Variants in MFSD6 observed in about 807,000 individuals in gnomAD.
The protein encoded by MFSD6 is major facilitator superfamily domain-containing protein 6.
A neutral mutation model predicts 56.3 loss-of-function variants in MFSD6; 26 were observed. The observed-to-expected ratio is 0.46, with a 90% CI of 0.34 to 0.64. The LOEUF (loss-of-function observed/expected upper bound fraction) is 0.64. MFSD6 is among the 30% of genes least tolerant of loss of function. The probability of loss-of-function intolerance (pLI) is 0.01; values close to 1 mark genes in which losing one functional copy is unlikely to be tolerated. For synonymous variants in MFSD6, 331 were observed against 366.9 expected, an observed-to-expected ratio of 0.90 and a Z score of 1.12; for missense variants, 750 against 986.2, an observed-to-expected ratio of 0.76 and a Z score of 3.21.
rs1689728765 is a variant in MFSD6, at chr2:190,496,914, G to T, written c.1892-525G>T. Among the ~76,000 whole-genome samples, 1 of 152,168 alleles carries T rather than the reference G, an allele frequency of 6.6e-6. No homozygotes were observed. Among genetic ancestry groups the T allele is most frequent in the African/African-American group, 2.4e-5 (1 of 41,436 alleles). Reference sequence around the variant, plus strand: ...ATGGACTTTGGGGACTCAGGGGAAAGGGTGGGAAAGGGGTGAGGGATACAA... The same window carrying T: ...ATGGACTTTGGGGACTCAGGGGAAATGGTGGGAAAGGGGTGAGGGATACAA... On this transcript the variant is annotated intron_variant, in intron 6 of 7. Transcript: ENST00000392328. The surrounding 1 kb of genome is among the most constrained non-coding windows in gnomAD (Gnocchi z 4.7).
rs1049049982 is a variant in MFSD6 at position 190,463,731 on chromosome 2, G to T, written c.1533-6027G>T. The T allele has an allele frequency of 4.3e-5, 11 of 255,354 alleles. No individual in the cohort carries two copies. The highest frequency in any genetic ancestry group is 3.3e-4 in the Admixed American group (5 of 15,344). 15.8% of individuals were successfully genotyped at this position (255,354 alleles called of 1,614,324 possible). On this transcript the variant is annotated intron_variant, in intron 3 of 7. Transcript: ENST00000392328. This position sits in a 1 kb window ranked among gnomAD's most constrained non-coding sequence, Gnocchi z 4.4. ...GCTACTTGGGGGGCTGAGGTGGGAG[G>T]ATCACCTGGGCTCTGGTGGTCAAGG...
In MFSD6 at chr2:190,501,604, C is replaced by T. The variant is rs1690027879; in HGVS notation, c.*1386C>T. On this transcript the variant is annotated 3_prime_UTR_variant, in exon 8 of 8. Transcript: ENST00000392328. ...AAAAGAACAGTCGAAATGAGCAACTCACCTTACCCTCTGACCCTGATTAGA... is the reference window on the plus strand; with the variant it reads ...AAAAGAACAGTCGAAATGAGCAACTTACCTTACCCTCTGACCCTGATTAGA... The T allele has an allele frequency of 6.6e-6, 1 of 152,440 alleles. No individual in the cohort carries two copies. Among genetic ancestry groups the T allele is most frequent in the African/African-American group, 2.4e-5 (1 of 41,458 alleles). The allele number at this position is 152,440 out of a possible 1,614,324, so 9.4% of individuals were successfully genotyped here.
intron 3 of MFSD6, among the ~76,000 whole-genome samples, chr2:190,449,059 G>T (rs1686681373): frequency 6.6e-6 from 1 of 152,208 alleles, no homozygotes; most frequent in South Asian, 2.1e-4. Context: ...TATGCATATT[G>T]TCTGTCTATA....
rs1309261009 is a variant in MFSD6 at position 190,487,791 on chromosome 2, T to C, written c.1631-866T>C. On this transcript the variant is annotated intron_variant, in intron 4 of 7. Transcript: ENST00000392328. The surrounding 1 kb of genome is among the most constrained non-coding windows in gnomAD (Gnocchi z 5.5). Reference sequence around the variant, plus strand: ...AATTGGATCTCTCATACAGTTCAGGTGGGAATGTAAAATGGTACAGCTACT... The same window carrying C: ...AATTGGATCTCTCATACAGTTCAGGCGGGAATGTAAAATGGTACAGCTACT... Among the ~76,000 whole-genome samples the C allele has an allele frequency of 1.3e-5, 2 of 152,224 alleles. No individual in the cohort carries two copies. The highest frequency in any genetic ancestry group is 2.9e-5 in the Non-Finnish European group (2 of 68,036).
rs184651800 is a variant in MFSD6, at chr2:190,434,848, T to G, written c.-53-1129T>G. Among the ~76,000 whole-genome samples, 1 of 152,326 alleles carries G rather than the reference T, an allele frequency of 6.6e-6. No homozygotes were observed. The highest frequency in any genetic ancestry group is 1.9e-4 in the East Asian group (1 of 5,190). On this transcript the variant is annotated intron_variant, in intron 2 of 7. Coordinates refer to ENST00000392328, the MANE Select transcript of MFSD6 (RefSeq NM_017694.4). The surrounding 1 kb of genome is among the most constrained non-coding windows in gnomAD (Gnocchi z 4.3). ...CCTGGACCATGGACCGCTACCACTC[T>G]GTGGCCTGTTAGGAATTGGGCTGCA...
At chr2:190,468,119 G>A (rs1006428673) in intron 3 of MFSD6, among the ~76,000 whole-genome samples, 12 of 151,812 alleles carry the variant, frequency 7.9e-5, no homozygotes, top group African/African-American at 2.7e-4. Context: ...TTTTTCCCTA[G>A]CAGAGGGAAA....
rs1690665674 is a variant in MFSD6, at chr2:190,413,789, T to G, written c.-175-1503T>G. 6.6e-6 allele frequency among the ~76,000 whole-genome samples: 1 copy of G among 152,166 alleles called. No individual in the cohort carries two copies. The highest frequency in any genetic ancestry group is 1.5e-5 in the Non-Finnish European group (1 of 68,024). On this transcript the variant is annotated intron_variant, in intron 1 of 7. Transcript: ENST00000392328. The surrounding 1 kb of genome is among the most constrained non-coding windows in gnomAD (Gnocchi z 4.1). ...CACTCTGCACGGGGCCTGCTCTCTCTGAGCTCCAATAAACCAATGTACCAT... is the reference window on the plus strand; with the variant it reads ...CACTCTGCACGGGGCCTGCTCTCTCGGAGCTCCAATAAACCAATGTACCAT...
At chr2:190,449,938 A>G (rs1177401399) in intron 3 of MFSD6, among the ~76,000 whole-genome samples, 1 of 152,074 alleles carries the variant, frequency 6.6e-6, no homozygotes, top group Non-Finnish European at 1.5e-5. Context: ...TGGGTGCAGC[A>G]CACCAGCATG....
chr2:190,453,668 T>C (rs1686866348), intron 3 of MFSD6, among the ~76,000 whole-genome samples: 1 of 152,232 alleles, frequency 6.6e-6, no homozygotes, highest in East Asian at 1.9e-4. Context: ...ATCACTGATA[T>C]TCTTTTAATG....
intron 3 of MFSD6, among the ~76,000 whole-genome samples, chr2:190,452,632 C>G (rs1306127635): frequency 2.6e-5 from 4 of 152,168 alleles, no homozygotes; most frequent in African/African-American, 9.7e-5. Context: ...TTTATGCAAC[C>G]CAGTCTCACC....
rs1390555016 is a variant in MFSD6 at position 190,413,207 on chromosome 2, T to C, written c.-175-2085T>C. ...ATCTAGCTGAGCCACGTGTTGATGATTATGTTGAAGAGATGTGAGTGAGAG... is the reference window on the plus strand; with the variant it reads ...ATCTAGCTGAGCCACGTGTTGATGACTATGTTGAAGAGATGTGAGTGAGAG... On this transcript the variant is annotated intron_variant, in intron 1 of 7. Coordinates refer to ENST00000392328, the MANE Select transcript of MFSD6 (RefSeq NM_017694.4). This position sits in a 1 kb window ranked among gnomAD's most constrained non-coding sequence, Gnocchi z 4.1. 6.6e-6 allele frequency among the ~76,000 whole-genome samples: 1 copy of C among 152,036 alleles called. No individual in the cohort carries two copies. Among genetic ancestry groups the C allele is most frequent in the African/African-American group, 2.4e-5 (1 of 41,398 alleles).
At chr2:190,441,144 C>T (rs1686359524) in intron 3 of MFSD6, among the ~76,000 whole-genome samples, 1 of 152,120 alleles carries the variant, frequency 6.6e-6, no homozygotes, top group Admixed American at 6.5e-5. Flanking sequence ...TCTCTTTGTG[C>T]CATCTTTGCT....
chr2:190,476,657 G>T (rs1428199949), intron 4 of MFSD6, among the ~76,000 whole-genome samples: 1 of 152,110 alleles, frequency 6.6e-6, no homozygotes, highest in Non-Finnish European at 1.5e-5. Flanking sequence ...GATTCCTCAG[G>T]GATCTAGAAC....
At chr2:190,430,169 C>T (rs961054254) in intron 2 of MFSD6, among the ~76,000 whole-genome samples, 11 of 150,994 alleles carry the variant, frequency 7.3e-5, no homozygotes, top group African/African-American at 2.7e-4. Flanking sequence ...CTGCAAAGGA[C>T]ATGAACGCAT....
rs1006495177 is a variant in MFSD6 at position 190,496,681 on chromosome 2, TATACACA to T, written c.1892-757_1892-751del. Among the ~76,000 whole-genome samples the T allele has an allele frequency of 1.3e-5, 2 of 151,882 alleles. No individual in the cohort carries two copies. The highest frequency in any genetic ancestry group is 4.8e-5 in the African/African-American group (2 of 41,338). ...ATATGTGTGTGTATGTGTGTGTGTA[TATACACA>T]CACACACATATACATACATACACAA... On this transcript the variant is annotated intron_variant, in intron 6 of 7. Transcript: ENST00000392328. This position sits in a 1 kb window ranked among gnomAD's most constrained non-coding sequence, Gnocchi z 4.7.
At chr2:190,440,633 A>G (rs2125060536) in intron 3 of MFSD6, among the ~76,000 whole-genome samples, 1 of 152,372 alleles carries the variant, frequency 6.6e-6, no homozygotes, top group East Asian at 1.9e-4. Flanking sequence ...ATGTTAGGCC[A>G]TCCCCTATGT....
At chr2:190,455,012 T>TA (rs1686953407) in intron 3 of MFSD6, among the ~76,000 whole-genome samples, 1 of 134,920 alleles carries the variant, frequency 7.4e-6, no homozygotes, top group Admixed American at 7.6e-5. Flanking sequence ...TGTATATGTA[T>TA]ATGTATATGT....
Position 190,423,177 on chromosome 2 carries a change from T to G in MFSD6, c.-54+7764T>G, listed in dbSNP as rs1390220466. Among the ~76,000 whole-genome samples the G allele has an allele frequency of 6.6e-6, 1 of 152,210 alleles. No individual in the cohort carries two copies. The highest frequency in any genetic ancestry group is 1.5e-5 in the Non-Finnish European group (1 of 68,038). Reference sequence around the variant, plus strand: ...CCCCAGTGATAACATCTTGCAAAACTATAGCATAATAGCACCATTGACATT... The same window carrying G: ...CCCCAGTGATAACATCTTGCAAAACGATAGCATAATAGCACCATTGACATT... On this transcript the variant is annotated intron_variant, in intron 2 of 7. Transcript: ENST00000392328. The surrounding 1 kb of genome is among the most constrained non-coding windows in gnomAD (Gnocchi z 4.3).
rs374333622 is a variant in MFSD6, at chr2:190,489,752, C to T, written c.1793-16C>T. 4.9e-5 allele frequency: 79 copies of T among 1,608,592 alleles called. No individual in the cohort carries two copies. In the African/African-American group the frequency reaches 9.5e-4, roughly 19 times the overall value. ...TTTCTTGGAATTACTCTATAGAGTG[C>T]TGTTTGTTTTTATAGGGGCTGCTGC... On this transcript the variant is annotated splice_polypyrimidine_tract_variant and intron_variant, in intron 5 of 7. Coordinates refer to ENST00000392328, the MANE Select transcript of MFSD6 (RefSeq NM_017694.4). The surrounding 1 kb of genome is among the most constrained non-coding windows in gnomAD (Gnocchi z 6.6).
Sources: gnomAD v4.1 joint callset for allele counts (sites outside exome capture counted in the v4.1 genomes callset) on GRCh38, gnomAD v4.1.1 for gene constraint, Gnocchi (gnomAD v3.1) non-coding constraint, MANE v1.5 for transcripts, NCBI Gene and HGNC (gene_info 2026-07-23, HGNC 2026-07-21) for gene names.